EDA: variants seen among roughly 807,000 people sequenced by gnomAD.
EDA encodes the protein ectodysplasin A.
A neutral mutation model predicts 23.6 loss-of-function variants in EDA; 2 were observed. The observed-to-expected ratio is 0.08, with a 90% confidence interval of 0.03 to 0.27. EDA has a LOEUF of 0.27. EDA is among the 10% of genes least tolerant of loss of function. The probability of loss-of-function intolerance (pLI) is 1.00; values close to 1 mark genes in which losing one functional copy is unlikely to be tolerated. For synonymous variants in EDA, 131 were observed against 132.0 expected, an observed-to-expected ratio of 0.99 and a Z score of 0.05; for missense variants, 229 against 324.2, an observed-to-expected ratio of 0.71 and a Z score of 2.26.
intron 1 of EDA, among the ~76,000 whole-genome samples, chrX:69,856,918 G>C (rs2017268660): frequency 8.9e-6 from 1 of 111,733 alleles, no homozygotes; most frequent in South Asian, 3.7e-4. Context: ...ATTTGCTTTT[G>C]GGTTTTTGGT....
At chrX:69,753,072 C>G (rs1481942556) in intron 1 of EDA, among the ~76,000 whole-genome samples, 5 of 110,802 alleles carry the variant, frequency 4.5e-5, no homozygotes, top group African/African-American at 6.5e-5. Context: ...GTGTCTCTAT[C>G]TCCTTCAGTT....
intron 1 of EDA, among the ~76,000 whole-genome samples, chrX:69,790,409 G>C (rs185807607): frequency 9.1e-6 from 1 of 110,310 alleles, no homozygotes; most frequent in Non-Finnish European, 1.9e-5. Context: ...ACTTTTACCC[G>C]TTAAATTGCT....
At chrX:69,682,141 G>A (rs1414676000) in intron 1 of EDA, among the ~76,000 whole-genome samples, 1 of 112,169 alleles carries the variant, frequency 8.9e-6, no homozygotes. Context: ...TCAGGGGTCA[G>A]GGGTCAGGGA....
At chrX:69,787,865 T>C (rs2015249428) in intron 1 of EDA, among the ~76,000 whole-genome samples, 1 of 111,614 alleles carries the variant, frequency 9.0e-6, no homozygotes, top group Non-Finnish European at 1.9e-5. Context: ...GAAGTTCTCC[T>C]GGATAATATC....
At chrX:69,792,210 GA>G (rs1417877880) in intron 1 of EDA, among the ~76,000 whole-genome samples, 1 of 111,575 alleles carries the variant, frequency 9.0e-6, no homozygotes, top group Admixed American at 9.5e-5. Flanking sequence ...GAGAACATAT[GA>G]TATTAATATC....
At chrX:69,857,603 A>C (rs764030156) in intron 1 of EDA, among the ~76,000 whole-genome samples, 2 of 110,495 alleles carry the variant, frequency 1.8e-5, no homozygotes, top group East Asian at 5.7e-4. Flanking sequence ...AGGTATTGTT[A>C]TGGGAATTGC....
intron 1 of EDA, among the ~76,000 whole-genome samples, chrX:69,733,341 C>T (rs977552844): frequency 1.8e-5 from 2 of 111,982 alleles, no homozygotes; most frequent in African/African-American, 3.2e-5. Context: ...TTCCCAGCAC[C>T]ATTTATTAAA....
At chrX:69,677,197 A>G in intron 1 of EDA, among the ~76,000 whole-genome samples, 3 of 103,883 alleles carry the variant, frequency 2.9e-5, no homozygotes, top group East Asian at 6.2e-4. Flanking sequence ...CATGGTGTAT[A>G]TGTGCCACAT....
chrX:69,756,583 AT>A (rs758375006), intron 1 of EDA, among the ~76,000 whole-genome samples: 1 of 111,894 alleles, frequency 8.9e-6, no homozygotes, highest in East Asian at 2.8e-4. Context: ...AAAGATGAAT[AT>A]CTTATTTTTT....
chrX:69,817,548 GA>G (rs2016110938), intron 1 of EDA, among the ~76,000 whole-genome samples: 1 of 111,566 alleles, frequency 9.0e-6, no homozygotes, highest in Non-Finnish European at 1.9e-5. Flanking sequence ...ATGGAAAACA[GA>G]AAAAAGCAAA....
intron 1 of EDA, among the ~76,000 whole-genome samples, chrX:69,835,815 C>G (rs1471426413): frequency 8.9e-6 from 1 of 112,143 alleles, no homozygotes; most frequent in Non-Finnish European, 1.9e-5. Flanking sequence ...GAATTTTCAG[C>G]TTTTCTGCTC....
chrX:69,754,401 C>G (rs148831895), intron 1 of EDA, among the ~76,000 whole-genome samples: 1,561 of 112,173 alleles, frequency 0.014, 20 homozygotes, highest in African/African-American at 0.046. Context: ...CCCCCACTCT[C>G]TTCTGACTTG....
At position 69,908,593 on chromosome X, in the gene EDA, A is replaced by G. The variant is rs2018212732; in HGVS notation, c.397-48434A>G. ...GGTACCATACTTCAGGAATCACTGGAAAATATTGCATCTGGAGGAAGGTTT... is the reference window on the plus strand; with the variant it reads ...GGTACCATACTTCAGGAATCACTGGGAAATATTGCATCTGGAGGAAGGTTT... On this transcript the variant is annotated intron_variant, in intron 1 of 7. Transcript: ENST00000374552. Among the ~76,000 whole-genome samples, 5 of 110,408 alleles carry G rather than the reference A, an allele frequency of 4.5e-5. No homozygotes were observed. The Admixed American group carries it at 4.9e-4, about 11-fold the overall frequency.
intron 1 of EDA, among the ~76,000 whole-genome samples, chrX:69,676,266 G>C (rs1427919093): frequency 9.0e-6 from 1 of 111,708 alleles, no homozygotes; most frequent in Non-Finnish European, 1.9e-5. Flanking sequence ...GTTGAGACTA[G>C]ACTGTAGCAG....
chrX:69,787,638 G>T (rs753762917), intron 1 of EDA, among the ~76,000 whole-genome samples: 163 of 111,451 alleles, frequency 1.5e-3, no homozygotes, highest in African/African-American at 3.4e-3. Context: ...CTTCTGGCTT[G>T]TAGAGTTTCT....
intron 1 of EDA, among the ~76,000 whole-genome samples, chrX:69,627,420 A>T (rs1314073799): frequency 9.0e-6 from 1 of 111,188 alleles, no homozygotes; most frequent in Non-Finnish European, 1.9e-5. Flanking sequence ...TATCATACAG[A>T]TCATCCGTGG....
At chrX:69,943,742 T>C (rs1000951693) in intron 1 of EDA, among the ~76,000 whole-genome samples, 2 of 107,879 alleles carry the variant, frequency 1.9e-5, no homozygotes, top group South Asian at 8.2e-4. Flanking sequence ...TAGCCAAGCG[T>C]ACGATATTCC....
At position 69,771,043 on chromosome X, in the gene EDA, G is replaced by GTATTTATTTATT. The variant is rs748339806; in HGVS notation, c.396+154360_396+154371dup. Among the ~76,000 whole-genome samples the GTATTTATTTATT allele has an allele frequency of 2.1e-4, 23 of 109,468 alleles. 1 individual carries two copies. The highest frequency in any genetic ancestry group is 6.0e-4 in the African/African-American group (18 of 29,993). The stretch of plus-strand genomic sequence containing the variant: ...AAATCAGTTATGTCATGCAAAGAAA[G>GTATTTATTTATT]TATTTATTTATTTATTTATTTATTT... On this transcript the variant is annotated intron_variant, in intron 1 of 7. Coordinates refer to ENST00000374552, the MANE Select transcript of EDA (RefSeq NM_001399.5).
At chrX:69,732,937 T>A (rs1265056651) in intron 1 of EDA, among the ~76,000 whole-genome samples, 3 of 110,938 alleles carry the variant, frequency 2.7e-5, no homozygotes, top group Non-Finnish European at 5.7e-5. Context: ...GCCCACTTTT[T>A]GATGGGGTTG....
Sources: allele counts gnomAD v4.1 joint callset (sites outside exome capture counted in the v4.1 genomes callset), GRCh38; gene constraint gnomAD v4.1.1; transcripts MANE v1.5; gene names NCBI Gene and HGNC (gene_info 2026-07-23, HGNC 2026-07-21).